Variants in CSMD2 observed in about 807,000 individuals in gnomAD.
CSMD2 encodes CUB and sushi domain-containing protein 2.
CSMD2 carries 130 observed loss-of-function variants against 398.5 expected under a neutral mutation model. The observed-to-expected ratio is 0.33, with a 90% confidence interval of 0.28 to 0.38. CSMD2 has a LOEUF of 0.38. CSMD2 is among the 10% of genes least tolerant of loss of function. CSMD2 has a pLI of 1.00. For synonymous variants in CSMD2, 1,828 were observed against 1,908.5 expected, an observed-to-expected ratio of 0.96 and a Z score of 1.10; for missense variants, 3,829 against 4,764.9, an observed-to-expected ratio of 0.80 and a Z score of 5.78.
At chr1:34,044,875 T>A (rs560637976) in intron 2 of CSMD2, among the ~76,000 whole-genome samples, 1 of 152,314 alleles carries the variant, frequency 6.6e-6, no homozygotes, top group South Asian at 2.1e-4. Flanking sequence ...TTTGTCACAC[T>A]GACAGGCTTG....
intron 2 of CSMD2, among the ~76,000 whole-genome samples, chr1:34,062,762 A>T (rs1265304752): frequency 2.0e-5 from 3 of 152,190 alleles, no homozygotes; most frequent in Non-Finnish European, 2.9e-5. Flanking sequence ...CTGCTCTCTG[A>T]TGCCACAACT....
At chr1:33,606,283 T>A (rs1203551201) in intron 41 of CSMD2, among the ~76,000 whole-genome samples, 1 of 152,206 alleles carries the variant, frequency 6.6e-6, no homozygotes, top group Non-Finnish European at 1.5e-5. Context: ...GACAGAACGT[T>A]CCTACAGTGG....
chr1:34,126,433 G>T (rs1191352017), intron 1 of CSMD2, among the ~76,000 whole-genome samples: 3 of 152,196 alleles, frequency 2.0e-5, no homozygotes, highest in African/African-American at 7.2e-5. Context: ...CACAGGCTCT[G>T]TGATCCTCTA....
Position 33,935,650 on chromosome 1 carries a change from C to A in CSMD2, c.712+110G>T, listed in dbSNP as rs111908471. On this transcript the variant is annotated intron_variant, in intron 4 of 70. Coordinates refer to ENST00000373381, the MANE Select transcript of CSMD2 (RefSeq NM_001281956.2). ...TGTGCTGTCCAGACTTGGGTACCCC[C>A]CTCCCTGCTGGGGTGTAGCTTTGCC... The A allele has an allele frequency of 7.5e-5, 89 of 1,179,824 alleles. No homozygotes were observed. In the Admixed American group the frequency reaches 1.4e-3, roughly 18 times the overall value. The allele number at this position is 1,179,824 out of a possible 1,614,324, so 73.1% of individuals were successfully genotyped here. A position where few individuals can be genotyped will look rare whatever the true frequency, so the allele number is the denominator to read the frequency against.
At chr1:33,643,900 AG>A (rs1246235111) in intron 29 of CSMD2, among the ~76,000 whole-genome samples, 1 of 128,006 alleles carries the variant, frequency 7.8e-6, no homozygotes, top group African/African-American at 2.9e-5. Flanking sequence ...GAAGGAAGGA[AG>A]GAAGGAAGGA....
intron 5 of CSMD2, among the ~76,000 whole-genome samples, chr1:33,915,873 C>G (rs1643694922): frequency 6.6e-6 from 1 of 152,128 alleles, no homozygotes. Context: ...TGGAAGACAG[C>G]CTTTAGTATC....
intron 44 of CSMD2, among the ~76,000 whole-genome samples, chr1:33,597,235 C>T (rs778200403): frequency 3.3e-5 from 5 of 152,180 alleles, no homozygotes; most frequent in Non-Finnish European, 7.3e-5. Context: ...TTCCCCCACT[C>T]CCTTCCACTG....
intron 3 of CSMD2, among the ~76,000 whole-genome samples, chr1:33,947,455 C>T (rs563924248): frequency 6.6e-6 from 1 of 152,316 alleles, no homozygotes; most frequent in East Asian, 1.9e-4. Context: ...CCTATTTCCT[C>T]CACTTGGCTC....
intron 5 of CSMD2, among the ~76,000 whole-genome samples, chr1:33,895,781 G>A (rs1237297071): frequency 6.6e-6 from 1 of 152,182 alleles, no homozygotes; most frequent in Non-Finnish European, 1.5e-5. Context: ...CAGCCCCCAT[G>A]AGTTTGTGGG....
intron 3 of CSMD2, among the ~76,000 whole-genome samples, chr1:33,955,049 C>T (rs560726851): frequency 3.3e-5 from 5 of 152,198 alleles, no homozygotes; most frequent in South Asian, 4.2e-4. Context: ...ATTTATCACC[C>T]GTGGACCCTG....
chr1:34,070,470 C>T (rs1026243619), intron 2 of CSMD2, among the ~76,000 whole-genome samples: 9 of 152,282 alleles, frequency 5.9e-5, no homozygotes, highest in African/African-American at 1.7e-4. Context: ...TAGCATAGGG[C>T]TTATGAGCCA....
At chr1:34,058,982 G>A (rs1337627864) in intron 2 of CSMD2, among the ~76,000 whole-genome samples, 1 of 151,868 alleles carries the variant, frequency 6.6e-6, no homozygotes, top group Non-Finnish European at 1.5e-5. Context: ...GAATGTCCTA[G>A]GCAAAGAAAC....
Position 33,624,448 on chromosome 1 carries a change from G to T in CSMD2, c.5625+71C>A. ...GCCTTGGCACCAGCCAGCACCTGTG[G>T]TTGTCACCTGTGAGCTGTTACCTGG... On this transcript the variant is annotated intron_variant, in intron 35 of 70. Coordinates refer to ENST00000373381, the MANE Select transcript of CSMD2 (RefSeq NM_001281956.2). The surrounding 1 kb of genome is among the most constrained non-coding windows in gnomAD (Gnocchi z 4.7). The T allele has an allele frequency of 6.3e-7, 1 of 1,578,074 alleles. No individual in the cohort carries two copies.
chr1:34,037,544 C>G (rs887119757), intron 2 of CSMD2, among the ~76,000 whole-genome samples: 1 of 152,214 alleles, frequency 6.6e-6, no homozygotes, highest in Admixed American at 6.5e-5. Flanking sequence ...TCCCCAGACC[C>G]CATCCTAGCA....
At chr1:33,628,143 TC>T (rs1642241927) in intron 32 of CSMD2, among the ~76,000 whole-genome samples, 1 of 151,964 alleles carries the variant, frequency 6.6e-6, no homozygotes, top group East Asian at 1.9e-4. Context: ...GGATCTGAGA[TC>T]AATAAAGGCT....
intron 5 of CSMD2, among the ~76,000 whole-genome samples, chr1:33,850,644 T>C (rs1453347838): frequency 6.6e-6 from 1 of 152,184 alleles, no homozygotes; most frequent in African/African-American, 2.4e-5. Context: ...CTTTCAAACC[T>C]TTCTGTCCAC....
chr1:34,032,691 C>G lies in CSMD2; in HGVS notation c.420G>C (p.Gln140His), dbSNP rs773427917. The change falls in exon 3 of 71, where the codon CAG becomes CAC. Residue 140 changes from glutamine to histidine, a missense_variant. Gln to His is a conservative substitution (Grantham distance 24). Around this residue, in one of 5 missense-constraint regions of CSMD2, gnomAD observed 184 missense variants for 217.7 expected, o/e 0.85. Transcript: ENST00000373381. Reference sequence around the variant, plus strand: ...CTGCACTAACAATGGTGGCTGGCAGCTGAAAGCCTGTGAGCCTGAAAGACA... The same window carrying G: ...CTGCACTAACAATGGTGGCTGGCAGGTGAAAGCCTGTGAGCCTGAAAGACA... ...ENLRTRLTGF[Q>H]LPATIVSAAT... 14 of 1,591,614 alleles carry G rather than the reference C, an allele frequency of 8.8e-6. No homozygotes were observed. Among genetic ancestry groups the G allele is most frequent in the African/African-American group, 1.3e-5 (1 of 74,682 alleles).
chr1:33,864,328 C>G lies in CSMD2; in HGVS notation c.921-17332G>C, dbSNP rs143017203. On this transcript the variant is annotated intron_variant, in intron 5 of 70. Transcript: ENST00000373381. ...TTTAAAGAGTTCTCTAGAAAGTGTT[C>G]GGAAAAATGGAGATCCATCTCAAAG... 2.5e-6 allele frequency: 4 copies of G among 1,613,858 alleles called. No individual in the cohort carries two copies. The African/African-American group carries it at 5.3e-5, about 22-fold the overall frequency.
intron 6 of CSMD2, among the ~76,000 whole-genome samples, chr1:33,835,894 C>T (rs189407074): frequency 8.1e-4 from 123 of 152,214 alleles, no homozygotes; most frequent in Middle Eastern, 3.4e-3. Flanking sequence ...AGCTTCGTTC[C>T]GTTGCTGGTG....
Sources: gnomAD v4.1 joint callset for allele counts (sites outside exome capture counted in the v4.1 genomes callset) on GRCh38, gnomAD v4.1.1 for gene constraint, gnomAD v4.1.1 regional missense constraint, Gnocchi (gnomAD v3.1) non-coding constraint, MANE v1.5 for transcripts, NCBI Gene and HGNC (gene_info 2026-07-23, HGNC 2026-07-21) for gene names.